Variants in CAPN5 observed in about 807,000 individuals in gnomAD.
The protein encoded by CAPN5 is calpain 5.
CAPN5 carries 54 observed loss-of-function variants against 73.0 expected under a neutral mutation model. The observed-to-expected ratio is 0.74, with a 90% CI of 0.59 to 0.93. The LOEUF (loss-of-function observed/expected upper bound fraction) is 0.93, where lower values mean the gene tolerates loss of function less well. CAPN5 is among the 40% of genes least tolerant of loss of function. The probability of loss-of-function intolerance (pLI) is 0.00; values close to 1 mark genes in which losing one functional copy is unlikely to be tolerated. For missense variants in CAPN5, 785 were observed against 882.9 expected (o/e 0.89, Z 1.41); for synonymous variants, 335 against 356.9 (o/e 0.94, Z 0.69).
At chr11:77,120,985 C>T in intron 10 of CAPN5, 76 bp downstream of exon 10, 1 of 1,374,128 alleles carries the variant, frequency 7.3e-7, no homozygotes, top group Non-Finnish European at 1.0e-6. Context: ...CCTGCAGCCT[C>T]AGAGATGCTC....
intron 4 of CAPN5, among the ~76,000 whole-genome samples, chr11:77,113,788 A>T (rs1950436136): frequency 6.6e-6 from 1 of 151,170 alleles, no homozygotes; most frequent in African/African-American, 2.4e-5. Flanking sequence ...ACACAGTTTC[A>T]TTGTGGTAAA....
In CAPN5 at chr11:77,083,805, C is replaced by T. The variant is rs782609627; in HGVS notation, c.-35-1047C>T. On this transcript the variant is annotated intron_variant, in intron 1 of 12. Coordinates refer to ENST00000648180, the MANE Select transcript of CAPN5 (RefSeq NM_004055.5). Reference sequence around the variant, plus strand: ...CAGAGAGTTCACATGACCAGTTCAACGTCACCCAGCAGGAGGGTGGTACCA... The same window carrying T: ...CAGAGAGTTCACATGACCAGTTCAATGTCACCCAGCAGGAGGGTGGTACCA... 4.6e-5 allele frequency among the ~76,000 whole-genome samples: 7 copies of T among 152,186 alleles called. No homozygotes were observed. In the East Asian group the frequency reaches 7.7e-4, roughly 17 times the overall value.
chr11:77,120,451 TCAC>T, intron 9 of CAPN5: 1 of 411,468 alleles, frequency 2.4e-6, no homozygotes, highest in Non-Finnish European at 4.3e-6. Context: ...TATGCAACCA[TCAC>T]CACAATCAAC....
At chr11:77,088,096 T>C in intron 2 of CAPN5, 1 of 1,503,924 alleles carries the variant, frequency 6.6e-7, no homozygotes, top group African/African-American at 1.4e-5. Flanking sequence ...GGGGGCAACA[T>C]CCCCTCATCC....
intron 1 of CAPN5, among the ~76,000 whole-genome samples, chr11:77,069,428 C>A (rs1949879294): frequency 6.6e-6 from 1 of 152,126 alleles, no homozygotes; most frequent in Non-Finnish European, 1.5e-5. Context: ...GAAACGGAAG[C>A]CTCTCTTGGC....
chr11:77,122,535 C>CCCCCCCCACCCACACCCCAA, intron 11 of CAPN5, 41 bp from the exon 12 acceptor site: 1 of 1,255,176 alleles, frequency 8.0e-7, no homozygotes, highest in Non-Finnish European at 1.1e-6. Context: ...GCCACAGCCC[C>CCCCCCCCACCCACACCCCAA]CACCCCCACC....
chr11:77,067,892 G>T lies in CAPN5; in HGVS notation c.-36+798G>T, dbSNP rs115464531. Among the ~76,000 whole-genome samples, 1,501 of 152,156 alleles carry T rather than the reference G, an allele frequency of 9.9e-3. 21 individuals are homozygous for T. The highest frequency in any genetic ancestry group is 0.034 in the African/African-American group (1,415 of 41,496). The stretch of plus-strand genomic sequence containing the variant: ...GTTCCATACAGATCAGAAGAGTGGG[G>T]CACAGAGAAGCGAAGTCAGCTGCCC... On this transcript the variant is annotated intron_variant, in intron 1 of 12. Coordinates refer to ENST00000648180, the MANE Select transcript of CAPN5 (RefSeq NM_004055.5).
chr11:77,068,695 C>G (rs782525892), intron 1 of CAPN5, among the ~76,000 whole-genome samples: 1 of 152,138 alleles, frequency 6.6e-6, no homozygotes, highest in Non-Finnish European at 1.5e-5. Context: ...CCCTTCTGCT[C>G]TCCTCTGCTC....
At chr11:77,102,760 CT>C (rs1555039070) in intron 3 of CAPN5, 6 of 1,439,982 alleles carry the variant, frequency 4.2e-6, no homozygotes, top group Non-Finnish European at 2.7e-6. Flanking sequence ...TGGGGCCCCC[CT>C]TTGGTGGCCT....
chr11:77,084,880 A>G lies in CAPN5; in HGVS notation c.-7A>G, dbSNP rs1950066745. On this transcript the variant is annotated 5_prime_UTR_variant, in exon 2 of 13. Coordinates refer to ENST00000648180, the MANE Select transcript of CAPN5 (RefSeq NM_004055.5). ...TTCCCCCTCCCCTCCCTGGGGCAGC[A>G]GCCACCATGTTCTCGTGTGTGAAGC... is the stretch of plus-strand genomic sequence containing the variant. The G allele has an allele frequency of 6.2e-7, 1 of 1,613,956 alleles. No individual in the cohort carries two copies. The highest frequency in any genetic ancestry group is 8.5e-7 in the Non-Finnish European group (1 of 1,180,016).
intron 1 of CAPN5, among the ~76,000 whole-genome samples, chr11:77,078,869 T>G (rs1555034243): frequency 6.6e-6 from 1 of 152,314 alleles, no homozygotes; most frequent in African/African-American, 2.4e-5. Flanking sequence ...TTCTTGACTC[T>G]TTTGAGTAGT....
At chr11:77,074,969 A>G (rs1206420351) in intron 1 of CAPN5, among the ~76,000 whole-genome samples, 1 of 152,160 alleles carries the variant, frequency 6.6e-6, no homozygotes, top group Non-Finnish European at 1.5e-5. Flanking sequence ...TGCCAGTCCA[A>G]GTCCTGTGGC....
chr11:77,120,885 T>G lies in CAPN5; in HGVS notation c.1463T>G (p.Phe488Cys). 6.2e-7 allele frequency: 1 copy of G among 1,613,906 alleles called. No individual in the cohort carries two copies. Among genetic ancestry groups the G allele is most frequent in the East Asian group, 2.2e-5 (1 of 44,878 alleles). ...ACTGGCGAGTTCCTGCTCCGAGTCTTCACTGATGTGCCCTCCAACTGCCGG... is the reference window on the plus strand; with the variant it reads ...ACTGGCGAGTTCCTGCTCCGAGTCTGCACTGATGTGCCCTCCAACTGCCGG... ...GHTGEFLLRV[F>C]TDVPSNCREL... Residue 488 changes from phenylalanine to cysteine, a missense_variant, in exon 10 of 13, where the codon TTC becomes TGC. Coordinates refer to ENST00000648180, the MANE Select transcript of CAPN5 (RefSeq NM_004055.5).
Position 77,123,777 on chromosome 11 carries a change from C to T in CAPN5, c.1830C>T (p.Leu610=), listed in dbSNP as rs782760267. 6.2e-7 allele frequency: 1 copy of T among 1,614,018 alleles called. No homozygotes were observed. The highest frequency in any genetic ancestry group is 1.3e-5 in the African/African-American group (1 of 75,022). Residue 610 remains leucine (L), a synonymous_variant, in exon 13 of 13, where the codon CTC becomes CTT. Transcript: ENST00000648180. ...ACAACCTCCAGGCCCTGCATACCCT[C>T]CACCTCCGGGACCGAAATAGCCGGC... The part of the protein sequence containing the change: ...DPDNLQALHT[L]HLRDRNSRQP...
intron 6 of CAPN5, among the ~76,000 whole-genome samples, chr11:77,116,005 C>T (rs1030925770): frequency 1.3e-5 from 2 of 152,242 alleles, no homozygotes; most frequent in East Asian, 3.9e-4. Context: ...TTCAGACCTC[C>T]CAGCCCCTGT....
At chr11:77,077,670 C>T (rs909929584) in intron 1 of CAPN5, among the ~76,000 whole-genome samples, 4 of 151,824 alleles carry the variant, frequency 2.6e-5, no homozygotes, top group Non-Finnish European at 4.4e-5. Flanking sequence ...GCTGGGTGCC[C>T]GCCTGGCTAA....
In CAPN5 at chr11:77,118,215, A is replaced by G. The variant is rs782395096; in HGVS notation, c.1030A>G (p.Asn344Asp). 6.2e-7 allele frequency: 1 copy of G among 1,614,048 alleles called. No homozygotes were observed. The highest frequency in any genetic ancestry group is 8.5e-7 in the Non-Finnish European group (1 of 1,180,002). ...FTDIIKCRVINTSHLSIHKTW... is the reference protein window; with the variant it reads ...FTDIIKCRVIDTSHLSIHKTW... ...GGACATCATCAAGTGCCGCGTGATC[A>G]ACACATCCCACCTGAGCATCCACAA... is the stretch of plus-strand genomic sequence containing the variant. The change falls in exon 8 of 13, where the codon AAC becomes GAC. Residue 344 changes from asparagine to aspartate, a missense_variant. Transcript: ENST00000648180.
chr11:77,107,225 G>A (rs1555040064), intron 3 of CAPN5, among the ~76,000 whole-genome samples: 1 of 152,164 alleles, frequency 6.6e-6, no homozygotes, highest in African/African-American at 2.4e-5. Context: ...GAGAGCTGAG[G>A]AATCTCAGAT....
At chr11:77,086,755 C>T (rs1950089964) in intron 2 of CAPN5, among the ~76,000 whole-genome samples, 1 of 152,236 alleles carries the variant, frequency 6.6e-6, no homozygotes, top group African/African-American at 2.4e-5. Flanking sequence ...CCCTCCTGCC[C>T]TCTGGCCATT....
Sources: allele counts gnomAD v4.1 joint callset (sites outside exome capture counted in the v4.1 genomes callset), GRCh38; gene constraint gnomAD v4.1.1; transcripts MANE v1.5; gene names NCBI Gene and HGNC (gene_info 2026-07-23, HGNC 2026-07-21).